The following ADAP1 variants were observed in gnomAD, a reference collection of about 807,000 sequenced individuals.
The protein encoded by ADAP1 is ArfGAP with dual PH domains 1.
Under a neutral mutation model 54.9 loss-of-function variants are expected in ADAP1, and 31 were observed. The observed-to-expected ratio is 0.56, with a 90% CI of 0.42 to 0.76. The LOEUF (loss-of-function observed/expected upper bound fraction) is 0.76. Among genes scored for constraint, ADAP1 ranks in the 30% least tolerant of loss-of-function variants. The pLI is 0.00. For synonymous variants in ADAP1, 313 were observed against 202.6 expected, an observed-to-expected ratio of 1.55 and a Z score of -4.63; for missense variants, 535 against 512.4, an observed-to-expected ratio of 1.04 and a Z score of -0.42.
At chr7:936,611 A>G (rs1223138019) in intron 1 of ADAP1, among the ~76,000 whole-genome samples, 1 of 151,960 alleles carries the variant, frequency 6.6e-6, no homozygotes, top group Non-Finnish European at 1.5e-5. Flanking sequence ...CTGCTGTGTG[A>G]CTCTCCTGTT....
chr7:905,080 T>G lies in ADAP1; in HGVS notation c.481A>C (p.Lys161Gln). The G allele has an allele frequency of 6.2e-7, 1 of 1,611,862 alleles. No homozygotes were observed. The highest frequency in any genetic ancestry group is 2.2e-5 in the East Asian group (1 of 44,888). ...CTCACATCATTTCTGTTGAAATACT[T>G]CAGAGCACCCTCTCGTTCTGTCAGC... ...FVLTEREGAL[K>Q]YFNRNDAKEP... Residue 161 changes from lysine to glutamine, a missense_variant, in exon 5 of 11, where the codon AAG (lysine) becomes CAG (glutamine). Transcript: ENST00000265846.
rs1464173721 is a variant in ADAP1, at chr7:898,271, C to T, written c.*650G>A. 1.9e-5 allele frequency: 3 copies of T among 156,796 alleles called. No individual in the cohort carries two copies. The highest frequency in any genetic ancestry group is 2.0e-4 in the South Asian group (1 of 5,094). The allele number at this position is 156,796 out of a possible 1,614,324, so 9.7% of individuals were successfully genotyped here. The stretch of plus-strand genomic sequence containing the variant: ...TCCCCAAGGGTTCAGACACCACTGT[C>T]GGCGAGCACCGTGCTGGGCGCAGAG... On this transcript the variant is annotated 3_prime_UTR_variant, in exon 11 of 11. Transcript: ENST00000265846.
At chr7:913,198 C>CTTTTTT (rs10698107) in intron 4 of ADAP1, among the ~76,000 whole-genome samples, 12 of 104,202 alleles carry the variant, frequency 1.2e-4, no homozygotes, top group South Asian at 3.3e-4. Flanking sequence ...CCTCCCCTTC[C>CTTTTTT]TTTTTTTTTT....
At chr7:913,331 G>T (rs956404441) in intron 4 of ADAP1, among the ~76,000 whole-genome samples, 1 of 151,072 alleles carries the variant, frequency 6.6e-6, no homozygotes, top group Non-Finnish European at 1.5e-5. Flanking sequence ...CTCCCAAGTA[G>T]CTGGGACTAC....
intron 1 of ADAP1, among the ~76,000 whole-genome samples, chr7:947,864 A>C (rs914573563): frequency 2.6e-5 from 4 of 151,066 alleles, no homozygotes; most frequent in African/African-American, 7.3e-5. Flanking sequence ...AGCGTCCCCC[A>C]GCCCTGCGTG....
At chr7:927,100 T>C in intron 2 of ADAP1, 2 of 1,303,950 alleles carry the variant, frequency 1.5e-6, no homozygotes, top group Non-Finnish European at 2.0e-6. Flanking sequence ...GGCCTGGAGA[T>C]GGGCTGGTGA....
Position 898,956 on chromosome 7 carries a change from C to T in ADAP1, c.1097-7G>A, listed in dbSNP as rs369554234. 6.3e-5 allele frequency: 101 copies of T among 1,611,124 alleles called. No individual in the cohort carries two copies. Among genetic ancestry groups the T allele is most frequent in the Middle Eastern group, 3.3e-4 (2 of 6,078 alleles). ...TGCTTGAAGTGCGCCTCCACTGCAACGGAACAGGGTCCAGCGTTGTCACAG... is the reference window on the plus strand; with the variant it reads ...TGCTTGAAGTGCGCCTCCACTGCAATGGAACAGGGTCCAGCGTTGTCACAG... On this transcript the variant is annotated splice_polypyrimidine_tract_variant and splice_region_variant and intron_variant, in intron 10 of 10. Coordinates refer to ENST00000265846, the MANE Select transcript of ADAP1 (RefSeq NM_006869.4).
intron 1 of ADAP1, among the ~76,000 whole-genome samples, chr7:947,486 G>C (rs1847169762): frequency 6.6e-6 from 1 of 152,026 alleles, no homozygotes; most frequent in South Asian, 2.1e-4. Context: ...GCTTCTCACA[G>C]AGCCTCACAT....
intron 5 of ADAP1, among the ~76,000 whole-genome samples, chr7:904,665 G>C (rs1291878976): frequency 6.6e-6 from 1 of 152,228 alleles, no homozygotes; most frequent in African/African-American, 2.4e-5. Context: ...GGGCCACCTT[G>C]TGAAGACCCC....
intron 8 of ADAP1, 77 bp from the exon 9 acceptor site, chr7:899,567 G>GAGGGC: frequency 6.6e-7 from 1 of 1,516,210 alleles, no homozygotes. Flanking sequence ...GCACACCCCG[G>GAGGGC]AGGGCAGGGC....
At chr7:932,109 T>G (rs900497172) in intron 2 of ADAP1, among the ~76,000 whole-genome samples, 19 of 152,240 alleles carry the variant, frequency 1.2e-4, no homozygotes, top group African/African-American at 4.6e-4. Flanking sequence ...GATTCATCTT[T>G]GGTTTTTATC....
chr7:898,880 C>G lies in ADAP1; in HGVS notation c.*41G>C. 2 of 1,575,104 alleles carry G rather than the reference C, an allele frequency of 1.3e-6. No individual in the cohort carries two copies. The highest frequency in any genetic ancestry group is 2.4e-5 in the East Asian group (1 of 42,158). ...CCATCCACGGGTCCCCTCCGTCCAG[C>G]CACAGTGAGTCCAATGTCCGTGGTC... On this transcript the variant is annotated 3_prime_UTR_variant, in exon 11 of 11. Coordinates refer to ENST00000265846, the MANE Select transcript of ADAP1 (RefSeq NM_006869.4).
intron 4 of ADAP1, among the ~76,000 whole-genome samples, chr7:914,422 C>G (rs986199435): frequency 3.7e-4 from 57 of 152,354 alleles, no homozygotes; most frequent in African/African-American, 1.3e-3. Context: ...ATCCCCAGTG[C>G]ACTCTGGGAG....
intron 4 of ADAP1, chr7:905,431 A>AGGAGAAAG (rs1304381755): frequency 5.8e-5 from 8 of 137,370 alleles, no homozygotes; most frequent in Non-Finnish European, 8.5e-5. Context: ...GAAAGGAGAA[A>AGGAGAAAG]GGAGAAAGGG....
In ADAP1 at chr7:917,391, G is replaced by C. The variant is rs529590514; in HGVS notation, c.388+2577C>G. On this transcript the variant is annotated intron_variant, in intron 4 of 10. Transcript: ENST00000265846. The stretch of plus-strand genomic sequence containing the variant: ...CCAGGGAGGGCTGGGAGGGGTTGGA[G>C]CACTGGGGGTCAGGGGCTTCTCCAC... Among the ~76,000 whole-genome samples, 4 of 152,242 alleles carry C rather than the reference G, an allele frequency of 2.6e-5. No individual in the cohort carries two copies. In the East Asian group the frequency reaches 5.8e-4, roughly 22 times the overall value.
At chr7:903,865 A>G in intron 6 of ADAP1, 1 of 426,012 alleles carries the variant, frequency 2.3e-6, no homozygotes, top group Non-Finnish European at 4.2e-6. Context: ...CAGCGTGGTG[A>G]TCCGGCTCCT....
intron 4 of ADAP1, among the ~76,000 whole-genome samples, chr7:914,298 C>T (rs1458503481): frequency 2.0e-5 from 3 of 152,250 alleles, no homozygotes; most frequent in African/African-American, 7.2e-5. Context: ...CCCCTTCCTC[C>T]CGGGCCCTGC....
intron 2 of ADAP1, among the ~76,000 whole-genome samples, chr7:931,458 G>C (rs964948078): frequency 6.6e-6 from 1 of 152,160 alleles, no homozygotes; most frequent in African/African-American, 2.4e-5. Context: ...CTGGCACCGC[G>C]GGAAAGGAGT....
chr7:900,040 C>T, intron 8 of ADAP1, 62 bp downstream of exon 8: 1 of 1,589,188 alleles, frequency 6.3e-7, no homozygotes, highest in Non-Finnish European at 8.6e-7. Context: ...TGCTGCACTT[C>T]AGTCCGAGAC....
Sources: gnomAD v4.1 joint callset for allele counts (sites outside exome capture counted in the v4.1 genomes callset) on GRCh38, gnomAD v4.1.1 for gene constraint, MANE v1.5 for transcripts, NCBI Gene and HGNC (gene_info 2026-07-23, HGNC 2026-07-21) for gene names.